The following B3GALT1 variants were observed in gnomAD, a reference collection of about 807,000 sequenced individuals.
B3GALT1 encodes the protein beta-1,3-galactosyltransferase 1, also known as UDP-Gal:betaGlcNAc beta 1,3-galactosyltransferase, polypeptide 1.
Under a neutral mutation model 23.2 loss-of-function variants are expected in B3GALT1, and 10 were observed. That is an observed-to-expected ratio of 0.43 (90% CI 0.27 to 0.73). B3GALT1 has a LOEUF of 0.73. B3GALT1 is among the 30% of genes least tolerant of loss of function. The pLI, the probability that B3GALT1 is intolerant of heterozygous loss-of-function variation, is 0.21. For missense variants in B3GALT1, 299 were observed against 405.4 expected (o/e 0.74, Z 2.25); for synonymous variants, 156 against 141.5 (o/e 1.10, Z -0.73).
intron 2 of B3GALT1, among the ~76,000 whole-genome samples, chr2:167,511,286 G>A (rs2105354257): frequency 6.6e-6 from 1 of 152,290 alleles, no homozygotes; most frequent in South Asian, 2.1e-4. Flanking sequence ...TCATGGGAGG[G>A]ACCAGATGGA....
chr2:167,564,664 C>G (rs1456623174), intron 2 of B3GALT1, among the ~76,000 whole-genome samples: 2 of 152,162 alleles, frequency 1.3e-5, no homozygotes, highest in South Asian at 4.1e-4. Flanking sequence ...AGCTGGAGAC[C>G]AGCCCGGCCA....
intron 2 of B3GALT1, among the ~76,000 whole-genome samples, chr2:167,521,960 C>A (rs1700193108): frequency 8.8e-6 from 1 of 113,520 alleles, no homozygotes; most frequent in Non-Finnish European, 1.9e-5. Flanking sequence ...TAGACATTAC[C>A]AACATATATG....
rs58665661 is a variant in B3GALT1, at chr2:167,714,022, G to A, written c.-352+67056G>A. On this transcript the variant is annotated intron_variant, in intron 3 of 4. Coordinates refer to ENST00000392690, the MANE Select transcript of B3GALT1 (RefSeq NM_020981.4). ...AGCCGGGGCCAGTTGCTTCATTTTC[G>A]GCAGGGAGAGATGAATCAGGCACAT... 11,572 of 1,541,120 alleles carry A rather than the reference G, an allele frequency of 7.5e-3. 752 individuals carry two copies. In the African/African-American group the frequency reaches 0.13, roughly 18 times the overall value.
At chr2:167,474,182 A>G (rs897010044) in intron 1 of B3GALT1, among the ~76,000 whole-genome samples, 39 of 152,184 alleles carry the variant, frequency 2.6e-4, no homozygotes, top group African/African-American at 9.2e-4. Context: ...TAATCAGTCT[A>G]ATGGTTCATA....
At chr2:167,391,084 A>G (rs1487858295) in intron 1 of B3GALT1, among the ~76,000 whole-genome samples, 1 of 152,220 alleles carries the variant, frequency 6.6e-6, no homozygotes, top group Non-Finnish European at 1.5e-5. Flanking sequence ...TGTGGAAAGT[A>G]TGTGAAGGAT....
intron 1 of B3GALT1, among the ~76,000 whole-genome samples, chr2:167,396,517 A>AAT (rs199722723): frequency 6.1e-4 from 72 of 117,714 alleles, no homozygotes; most frequent in African/African-American, 1.8e-3. Context: ...AAAGTCTGCA[A>AAT]ATATATATAT....
At chr2:167,842,504 C>T (rs1423868138) in intron 4 of B3GALT1, among the ~76,000 whole-genome samples, 1 of 152,196 alleles carries the variant, frequency 6.6e-6, no homozygotes, top group Admixed American at 6.5e-5. Context: ...ATAGTAATAA[C>T]AGCACCTAGA....
At chr2:167,332,141 A>G (rs1553512581) in intron 1 of B3GALT1, among the ~76,000 whole-genome samples, 1 of 152,096 alleles carries the variant, frequency 6.6e-6, no homozygotes, top group Non-Finnish European at 1.5e-5. Flanking sequence ...TTAATCTCAG[A>G]GTACACAATA....
intron 3 of B3GALT1, among the ~76,000 whole-genome samples, chr2:167,761,868 A>C (rs931942970): frequency 6.6e-6 from 1 of 152,194 alleles, no homozygotes; most frequent in Admixed American, 6.5e-5. Flanking sequence ...GTCTGCTCTC[A>C]TGGTCTCTCA....
At chr2:167,810,027 C>T (rs867468008) in intron 3 of B3GALT1, among the ~76,000 whole-genome samples, 1 of 152,192 alleles carries the variant, frequency 6.6e-6, no homozygotes. Context: ...GCAGTTTGAT[C>T]TCAGACTGCT....
rs562789124 is a variant in B3GALT1 at position 167,608,001 on chromosome 2, G to C, written c.-409-38908G>C. On this transcript the variant is annotated intron_variant, in intron 2 of 4. Transcript: ENST00000392690. ...AATCTTGTGACATTTAATAAGAAAG[G>C]CCATTTCACCCATGGCTACCTCTAG... 5.9e-5 allele frequency among the ~76,000 whole-genome samples: 9 copies of C among 152,180 alleles called. No homozygotes were observed. In the South Asian group the frequency reaches 1.9e-3, roughly 32 times the overall value.
chr2:167,633,094 C>G (rs553098457), intron 2 of B3GALT1, among the ~76,000 whole-genome samples: 2 of 151,904 alleles, frequency 1.3e-5, no homozygotes, highest in African/African-American at 4.8e-5. Flanking sequence ...GAGAATGGAA[C>G]CAAGTTGGAA....
chr2:167,849,172 T>G (rs1689820781), intron 4 of B3GALT1, among the ~76,000 whole-genome samples: 1 of 152,064 alleles, frequency 6.6e-6, no homozygotes. Flanking sequence ...AATCTACAAA[T>G]TCAATAGAAT....
At chr2:167,352,859 G>A (rs2105257019) in intron 1 of B3GALT1, among the ~76,000 whole-genome samples, 1 of 152,316 alleles carries the variant, frequency 6.6e-6, no homozygotes, top group African/African-American at 2.4e-5. Flanking sequence ...TATCTCAAAG[G>A]AGAGCACACT....
chr2:167,854,068 T>C (rs1327215795), intron 4 of B3GALT1, among the ~76,000 whole-genome samples: 1 of 152,174 alleles, frequency 6.6e-6, no homozygotes, highest in Non-Finnish European at 1.5e-5. Context: ...CAGTAGGGAT[T>C]GATTTATTTA....
At chr2:167,618,485 CAG>C (rs1685200196) in intron 2 of B3GALT1, among the ~76,000 whole-genome samples, 1 of 151,798 alleles carries the variant, frequency 6.6e-6, no homozygotes, top group Admixed American at 6.6e-5. Flanking sequence ...TTTCCAAAAA[CAG>C]AGACATTTTC....
chr2:167,828,534 A>G (rs946852982), intron 4 of B3GALT1, among the ~76,000 whole-genome samples: 1 of 152,224 alleles, frequency 6.6e-6, no homozygotes, highest in African/African-American at 2.4e-5. Context: ...TATATTCCCA[A>G]CAGGCACGTT....
At chr2:167,853,109 C>T (rs1689935588) in intron 4 of B3GALT1, among the ~76,000 whole-genome samples, 1 of 152,112 alleles carries the variant, frequency 6.6e-6, no homozygotes, top group Non-Finnish European at 1.5e-5. Flanking sequence ...TGTAAAGCTA[C>T]AAAGGATTAC....
intron 3 of B3GALT1, among the ~76,000 whole-genome samples, chr2:167,712,992 G>A (rs908635258): frequency 6.6e-6 from 1 of 152,212 alleles, no homozygotes; most frequent in Non-Finnish European, 1.5e-5. Flanking sequence ...GTCCATATGG[G>A]AATATTAGAT....
Sources: allele counts gnomAD v4.1 joint callset (sites outside exome capture counted in the v4.1 genomes callset), GRCh38; gene constraint gnomAD v4.1.1; transcripts MANE v1.5; gene names NCBI Gene and HGNC (gene_info 2026-07-23, HGNC 2026-07-21).